UBE2H: variants seen among roughly 807,000 people sequenced by gnomAD.
UBE2H encodes ubiquitin-conjugating enzyme E2 H.
Under a neutral mutation model 29.0 loss-of-function variants are expected in UBE2H, and 3 were observed. That is an observed-to-expected ratio of 0.10 (90% CI 0.05 to 0.27). The LOEUF is 0.27. UBE2H is among the 10% of genes least tolerant of loss of function. UBE2H has a pLI of 1.00. For missense variants in UBE2H, 68 were observed against 228.2 expected, an observed-to-expected ratio of 0.30 and a Z score of 4.52; for synonymous variants, 69 against 82.9, an observed-to-expected ratio of 0.83 and a Z score of 0.91.
intron 3 of UBE2H, 62 bp from the exon 4 acceptor site, chr7:129,859,003 T>C: frequency 7.3e-7 from 1 of 1,367,718 alleles, no homozygotes; most frequent in East Asian, 2.3e-5. Context: ...AGTATTTCAG[T>C]ACTGGAAACA....
intron 3 of UBE2H, among the ~76,000 whole-genome samples, chr7:129,866,646 T>C (rs1025586987): frequency 6.6e-6 from 1 of 152,220 alleles, no homozygotes; most frequent in Non-Finnish European, 1.5e-5. Flanking sequence ...AGGTGACAGA[T>C]ATCCCAATTA....
chr7:129,929,209 T>C (rs1307343631), intron 1 of UBE2H, among the ~76,000 whole-genome samples: 1 of 149,500 alleles, frequency 6.7e-6, no homozygotes, highest in African/African-American at 2.5e-5. Flanking sequence ...CCCAGCTACT[T>C]GGGGGGCCGA....
chr7:129,933,318 C>T (rs1807446746), intron 1 of UBE2H, among the ~76,000 whole-genome samples: 1 of 152,130 alleles, frequency 6.6e-6, no homozygotes, highest in African/African-American at 2.4e-5. Context: ...TTAAGGAAAA[C>T]CCCTTTTAGA....
At chr7:129,952,423 T>C (rs1807897113) in intron 1 of UBE2H, 80 bp downstream of exon 1, 2 of 1,558,670 alleles carry the variant, frequency 1.3e-6, no homozygotes, top group Admixed American at 1.7e-5. Flanking sequence ...CCCAGGGCCC[T>C]TGCAGTGGTT....
At chr7:129,903,666 A>G (rs1806761057) in intron 1 of UBE2H, among the ~76,000 whole-genome samples, 1 of 152,244 alleles carries the variant, frequency 6.6e-6, no homozygotes, top group East Asian at 1.9e-4. Context: ...TGGGAAGCCA[A>G]GGCAGGAGGA....
chr7:129,936,804 G>GAAAAA (rs1171897255), intron 1 of UBE2H, among the ~76,000 whole-genome samples: 1 of 78,026 alleles, frequency 1.3e-5, no homozygotes, highest in African/African-American at 4.9e-5. Context: ...TCTCTACTAG[G>GAAAAA]AAAAAAAAAA....
At chr7:129,935,529 G>A (rs970569927) in intron 1 of UBE2H, among the ~76,000 whole-genome samples, 5 of 151,834 alleles carry the variant, frequency 3.3e-5, no homozygotes, top group African/African-American at 1.2e-4. Context: ...CATAAATCAG[G>A]CACTTTTACA....
At chr7:129,837,617 CG>C (rs987116562) in intron 6 of UBE2H, among the ~76,000 whole-genome samples, 3 of 59,908 alleles carry the variant, frequency 5.0e-5, no homozygotes, top group Non-Finnish European at 9.7e-5. Context: ...TGGGAGGGGG[CG>C]GGGGGTTGGG....
At chr7:129,916,353 G>C (rs1288196340) in intron 1 of UBE2H, among the ~76,000 whole-genome samples, 1 of 150,362 alleles carries the variant, frequency 6.7e-6, no homozygotes, top group Admixed American at 6.7e-5. Flanking sequence ...ACTTTAACAA[G>C]TTTGCTTTAA....
At chr7:129,858,200 T>C (rs1279025634) in intron 4 of UBE2H, among the ~76,000 whole-genome samples, 2 of 152,166 alleles carry the variant, frequency 1.3e-5, no homozygotes, top group African/African-American at 2.4e-5. Flanking sequence ...GACAACTATA[T>C]ACTGTGGATA....
At chr7:129,911,628 CAT>C (rs1293125533) in intron 1 of UBE2H, among the ~76,000 whole-genome samples, 8 of 152,002 alleles carry the variant, frequency 5.3e-5, no homozygotes, top group Admixed American at 2.6e-4. Context: ...TAAAAATGCA[CAT>C]ATATGTTTTT....
chr7:129,942,519 T>C (rs1312468323), intron 1 of UBE2H, among the ~76,000 whole-genome samples: 8 of 152,130 alleles, frequency 5.3e-5, no homozygotes, highest in Non-Finnish European at 2.9e-5. Flanking sequence ...GAAAGCATGA[T>C]ATCAAAGGAT....
chr7:129,867,051 A>G (rs907172036), intron 3 of UBE2H, among the ~76,000 whole-genome samples: 2 of 152,224 alleles, frequency 1.3e-5, no homozygotes, highest in African/African-American at 4.8e-5. Flanking sequence ...TCCATCTCTT[A>G]ATGCTCTTAC....
chr7:129,838,016 G>A lies in UBE2H; in HGVS notation c.427+1191C>T, dbSNP rs573772977. Among the ~76,000 whole-genome samples, 6 of 152,266 alleles carry A rather than the reference G, an allele frequency of 3.9e-5. No homozygotes were observed. The East Asian group carries it at 9.6e-4, about 24-fold the overall frequency. ...TATACTCTGCTCCAAGATATCTGTG[G>A]TTTGCAGACATTGCTAAGTGATTCC... On this transcript the variant is annotated intron_variant, in intron 6 of 6. Coordinates refer to ENST00000355621, the MANE Select transcript of UBE2H (RefSeq NM_003344.4).
chr7:129,845,303 T>G (rs1249259829), intron 5 of UBE2H, among the ~76,000 whole-genome samples: 1 of 152,138 alleles, frequency 6.6e-6, no homozygotes, highest in East Asian at 1.9e-4. Context: ...TAGGACTGGA[T>G]GGGATCTGTA....
chr7:129,854,060 G>GTTTTTTTTTTTTTTT (rs56362841), intron 5 of UBE2H, among the ~76,000 whole-genome samples: 1 of 100,312 alleles, frequency 1.0e-5, no homozygotes, highest in African/African-American at 4.0e-5. Context: ...TTTAGTGTTA[G>GTTTTTTTTTTTTTTT]TTTTTTTTTT....
intron 1 of UBE2H, among the ~76,000 whole-genome samples, chr7:129,899,958 T>C (rs764195325): frequency 1.7e-3 from 258 of 151,776 alleles, no homozygotes; most frequent in Non-Finnish European, 1.8e-3. Context: ...CAAAACCCCG[T>C]CTCTCTACTA....
At chr7:129,948,976 A>AGCTCCTCC (rs1030126140) in intron 1 of UBE2H, 1 of 456,836 alleles carries the variant, frequency 2.2e-6, no homozygotes, top group African/African-American at 2.0e-5. Flanking sequence ...GCTGTTTGGT[A>AGCTCCTCC]GCTCCTCCCC....
At chr7:129,903,399 G>T (rs1806755441) in intron 1 of UBE2H, among the ~76,000 whole-genome samples, 1 of 152,194 alleles carries the variant, frequency 6.6e-6, no homozygotes, top group African/African-American at 2.4e-5. Flanking sequence ...GCTCCTGAGG[G>T]ATAGGAATTC....
Sources: gnomAD v4.1 joint callset for allele counts (sites outside exome capture counted in the v4.1 genomes callset) on GRCh38, gnomAD v4.1.1 for gene constraint, MANE v1.5 for transcripts, NCBI Gene and HGNC (gene_info 2026-07-23, HGNC 2026-07-21) for gene names.